IZUMO2: variants seen among roughly 807,000 people sequenced by gnomAD.
The protein encoded by IZUMO2 is IZUMO family member 2.
A neutral mutation model predicts 31.2 loss-of-function variants in IZUMO2; 24 were observed. The observed-to-expected ratio is 0.77, with a 90% CI of 0.56 to 1.08. The LOEUF is 1.08. IZUMO2 is among the 50% of genes least tolerant of loss of function. IZUMO2 has a pLI of 0.00. For synonymous variants in IZUMO2, 144 were observed against 117.3 expected (o/e 1.23, Z -1.47); for missense variants, 278 against 274.0 (o/e 1.01, Z -0.10).
intron 5 of IZUMO2, 38 bp downstream of exon 5, chr19:50,158,230 C>G (rs988623047): frequency 1.5e-6 from 2 of 1,377,448 alleles, no homozygotes; most frequent in Non-Finnish European, 2.1e-6. Flanking sequence ...ATCTCTTGCA[C>G]GCCTGTCCCA....
intron 5 of IZUMO2, among the ~76,000 whole-genome samples, chr19:50,157,406 G>T (rs1337045839): frequency 6.7e-6 from 1 of 150,136 alleles, no homozygotes; most frequent in Non-Finnish European, 1.5e-5. Context: ...ATATTCAAGC[G>T]ATTCTCCTGC....
chr19:50,154,641 A>G lies in IZUMO2; in HGVS notation c.582T>C (p.Ser194=). The change falls in exon 6 of 7, where the codon TCT becomes TCC. Residue 194 remains serine, a synonymous_variant. Coordinates refer to ENST00000293405, the MANE Select transcript of IZUMO2 (RefSeq NM_152358.3). ...CGAAGACAAAGACAGCCAGAGACAC[A>G]GAAATGAGGATGCCCAACAGCGCCT... ...RNQALLGILI[S]VSLAVFVFVV... 2 of 1,614,020 alleles carry G rather than the reference A, an allele frequency of 1.2e-6. No homozygotes were observed. Among genetic ancestry groups the G allele is most frequent in the South Asian group, 2.2e-5 (2 of 91,070 alleles).
At chr19:50,159,870 C>T (rs112410425) in intron 2 of IZUMO2, 13 of 253,336 alleles carry the variant, frequency 5.1e-5, no homozygotes, top group South Asian at 1.1e-4. Context: ...CTTTTTGAGA[C>T]GGAGTCTCAC....
chr19:50,159,431 T>TA (rs1600814462), intron 3 of IZUMO2, 63 bp downstream of exon 3: 2 of 1,330,180 alleles, frequency 1.5e-6, no homozygotes, highest in African/African-American at 2.9e-5. Context: ...GAAAAAGTGG[T>TA]AAAAGGGGAT....
rs958399007 is a variant in IZUMO2, at chr19:50,156,480, G to A, written c.497-1754C>T. The stretch of plus-strand genomic sequence containing the variant: ...CCACTGTTCCTCAGTTTGGGACATC[G>A]TAGGGTGCTCAAAATATTTGTTGTC... On this transcript the variant is annotated intron_variant, in intron 5 of 6. Transcript: ENST00000293405. Among the ~76,000 whole-genome samples, 12 of 152,172 alleles carry A rather than the reference G, an allele frequency of 7.9e-5. No individual in the cohort carries two copies. In the East Asian group the frequency reaches 1.9e-3, roughly 24 times the overall value.
chr19:50,153,277 G>A (rs2123043272), intron 6 of IZUMO2, among the ~76,000 whole-genome samples: 1 of 152,278 alleles, frequency 6.6e-6, no homozygotes, highest in African/African-American at 2.4e-5. Flanking sequence ...CAGAGGCTCT[G>A]GAAGGAACCA....
chr19:50,160,725 C>G (rs2030370114), intron 2 of IZUMO2: 2 of 152,178 alleles, frequency 1.3e-5, no homozygotes. Context: ...GGCGATCCAC[C>G]TGTCTCGGCA....
At chr19:50,161,376 C>T (rs917725777) in intron 2 of IZUMO2, among the ~76,000 whole-genome samples, 3 of 152,146 alleles carry the variant, frequency 2.0e-5, no homozygotes, top group Non-Finnish European at 4.4e-5. Flanking sequence ...CCGTCCTCAG[C>T]CTCCCAAAGT....
chr19:50,153,719 T>C (rs1232916331), intron 6 of IZUMO2: 1 of 151,580 alleles, frequency 6.6e-6, no homozygotes, highest in East Asian at 2.0e-4. Context: ...GAAGAATCGC[T>C]TGAACCTGAG....
At chr19:50,154,818 C>A in intron 5 of IZUMO2, 92 bp from the exon 6 acceptor site, 1 of 1,475,038 alleles carries the variant, frequency 6.8e-7, no homozygotes. Flanking sequence ...CAGCCTGGGG[C>A]AGGGGTGGGG....
intron 6 of IZUMO2, among the ~76,000 whole-genome samples, chr19:50,154,078 G>A (rs2123045264): frequency 6.8e-6 from 1 of 147,004 alleles, no homozygotes; most frequent in South Asian, 2.2e-4. Flanking sequence ...GGAAGGTGAG[G>A]GCCACTTCCT....
chr19:50,155,034 T>C (rs1461092803), intron 5 of IZUMO2, among the ~76,000 whole-genome samples: 1 of 152,138 alleles, frequency 6.6e-6, no homozygotes, highest in Non-Finnish European at 1.5e-5. Flanking sequence ...AGTGAGGAGC[T>C]AGTTCTAAAA....
intron 6 of IZUMO2, 53 bp downstream of exon 6, chr19:50,154,547 G>T: frequency 6.2e-7 from 1 of 1,600,944 alleles, no homozygotes; most frequent in Non-Finnish European, 8.5e-7. Context: ...CGCCATTTTT[G>T]AGGGGCCCAG....
intron 2 of IZUMO2, among the ~76,000 whole-genome samples, chr19:50,161,402 G>C (rs977966517): frequency 6.6e-6 from 1 of 152,178 alleles, no homozygotes; most frequent in East Asian, 1.9e-4. Flanking sequence ...GATTACAGGC[G>C]TGAGCCACTG....
chr19:50,162,878 C>A, intron 1 of IZUMO2, 65 bp from the exon 2 acceptor site: 1 of 1,602,934 alleles, frequency 6.2e-7, no homozygotes, highest in Non-Finnish European at 8.5e-7. Flanking sequence ...CTCACCCCCT[C>A]CAGGCCTGGC....
intron 3 of IZUMO2, 99 bp from the exon 4 acceptor site, chr19:50,159,349 A>G (rs1405617993): frequency 1.5e-6 from 2 of 1,361,158 alleles, no homozygotes; most frequent in Non-Finnish European, 2.1e-6. Context: ...GAGGCTGGGA[A>G]AGGAGAGAAG....
At chr19:50,154,848 T>C in intron 5 of IZUMO2, 122 bp from the exon 6 acceptor site, 3 of 1,072,422 alleles carry the variant, frequency 2.8e-6, no homozygotes, top group Non-Finnish European at 4.0e-6. Flanking sequence ...TCTCTCTTCT[T>C]CTCTTCCTGC....
At position 50,163,154 on chromosome 19, in the gene IZUMO2, C is replaced by A; in HGVS notation, c.41G>T (p.Gly14Val). The A allele has an allele frequency of 1.3e-6, 2 of 1,570,354 alleles. No individual in the cohort carries two copies. The highest frequency in any genetic ancestry group is 1.7e-6 in the Non-Finnish European group (2 of 1,159,020). ...CAGGCAGCCCCAGCCTCCGGGGGCG[C>A]CCAAGCCCGAGAGCAGCAGAAGGGT... ...ALTLLLLSGL[G>V]APGGWGCLQC... is the part of the protein sequence containing the mutation. Residue 14 changes from glycine to valine, a missense_variant, in exon 1 of 7, where the codon GGC (glycine) becomes GTC (valine). By Grantham distance (109) the Gly-to-Val change is moderately radical. Transcript: ENST00000293405.
chr19:50,159,622 G>C (rs769261787), intron 2 of IZUMO2, 42 bp from the exon 3 acceptor site: 4 of 1,227,494 alleles, frequency 3.3e-6, no homozygotes, highest in African/African-American at 1.5e-5. Context: ...GAGGCACCCA[G>C]AAAGCCCACC....
Sources: gnomAD v4.1 joint callset for allele counts (sites outside exome capture counted in the v4.1 genomes callset) on GRCh38, gnomAD v4.1.1 for gene constraint, MANE v1.5 for transcripts, NCBI Gene and HGNC (gene_info 2026-07-23, HGNC 2026-07-21) for gene names.